The following ADCY5 variants were observed in gnomAD, a reference collection of about 807,000 sequenced individuals.
The protein encoded by ADCY5 is adenylate cyclase type 5.
Under a neutral mutation model 119.7 loss-of-function variants are expected in ADCY5, and 30 were observed. The ratio of observed to expected loss-of-function variants is 0.25; its 90% CI spans 0.19 to 0.34. The LOEUF is 0.34. ADCY5 is among the 10% of genes least tolerant of loss of function. The pLI is 1.00. For missense variants in ADCY5, 1,324 were observed against 1,775.2 expected (o/e 0.75, Z 4.57); for synonymous variants, 753 against 762.2 (o/e 0.99, Z 0.20).
chr3:123,332,128 A>G (rs1576585468), intron 4 of ADCY5, among the ~76,000 whole-genome samples: 2 of 152,234 alleles, frequency 1.3e-5, no homozygotes, highest in Non-Finnish European at 2.9e-5. Flanking sequence ...GGAATGGCAC[A>G]CAGCCGCCTG....
intron 1 of ADCY5, among the ~76,000 whole-genome samples, chr3:123,388,715 A>G (rs59873306): frequency 0.48 from 72,605 of 152,000 alleles, 18,154 homozygotes; most frequent in East Asian, 0.68. Flanking sequence ...AAAGAAAGAC[A>G]AGAATGGGAG....
intron 17 of ADCY5, among the ~76,000 whole-genome samples, chr3:123,294,817 C>T (rs1465856801): frequency 1.3e-5 from 2 of 152,100 alleles, no homozygotes; most frequent in Admixed American, 6.5e-5. Flanking sequence ...GCAAGGTAGA[C>T]ATGGGAGTAT....
At chr3:123,300,455 C>A (rs1395228793) in intron 14 of ADCY5, among the ~76,000 whole-genome samples, 160 bp from the exon 15 acceptor site, 1 of 152,216 alleles carries the variant, frequency 6.6e-6, no homozygotes, top group Non-Finnish European at 1.5e-5. Context: ...AGTGAAGGGC[C>A]CTGGTTAGGA....
rs1944611354 is a variant in ADCY5 at position 123,396,871 on chromosome 3, G to GT, written c.1135-44291_1135-44290insA. On this transcript the variant is annotated intron_variant, in intron 1 of 20. Transcript: ENST00000462833. ...GAGAACCCATATCCATACCACAGTG[G>GT]ATCACGGGCCCTGCTTTCTGTAGCA... is the stretch of plus-strand genomic sequence containing the variant. 2.2e-5 allele frequency among the ~76,000 whole-genome samples: 3 copies of GT among 138,418 alleles called. No homozygotes were observed. In the Admixed American group the frequency reaches 2.2e-4, roughly 10 times the overall value. The allele number at this position is 138,418 out of a possible 152,430, so 90.8% of individuals were successfully genotyped here. A position where few individuals can be genotyped will look rare whatever the true frequency, so the allele number is the denominator to read the frequency against.
rs1939031657 is a variant in ADCY5, at chr3:123,289,841, G to A, written c.3441C>T (p.His1147=). 1 of 1,614,244 alleles carries A rather than the reference G, an allele frequency of 6.2e-7. No homozygotes were observed. Among genetic ancestry groups the A allele is most frequent in the Non-Finnish European group, 8.5e-7 (1 of 1,180,040 alleles). The part of the protein sequence containing the change: ...DSTYDKVGKT[H]IKALADFAMK... Reference sequence around the variant, plus strand: ...TGGCAAAGTCGGCCAGTGCCTTGATGTGGGTCTTGCCCACCTTGTCGTAGG... The same window carrying A: ...TGGCAAAGTCGGCCAGTGCCTTGATATGGGTCTTGCCCACCTTGTCGTAGG... Residue 1147 remains histidine, a synonymous_variant, in exon 19 of 21, where the codon CAC becomes CAT. Transcript: ENST00000462833.
At chr3:123,418,073 C>A (rs1945224047) in intron 1 of ADCY5, among the ~76,000 whole-genome samples, 1 of 152,184 alleles carries the variant, frequency 6.6e-6, no homozygotes, top group Non-Finnish European at 1.5e-5. Context: ...GTCTAAGTTA[C>A]AGAGCACTCA....
chr3:123,359,693 TC>T (rs1435602114), intron 1 of ADCY5, among the ~76,000 whole-genome samples: 2 of 151,988 alleles, frequency 1.3e-5, no homozygotes, highest in African/African-American at 2.4e-5. Context: ...GAGAACCAGC[TC>T]CCCAAGCTCT....
chr3:123,397,812 G>A (rs1944644724), intron 1 of ADCY5, among the ~76,000 whole-genome samples: 2 of 152,160 alleles, frequency 1.3e-5, no homozygotes. Context: ...GAGGAAAAGG[G>A]GGCTTTTGTA....
intron 7 of ADCY5, among the ~76,000 whole-genome samples, chr3:123,326,412 C>T (rs1462068322): frequency 1.3e-5 from 2 of 152,196 alleles, no homozygotes; most frequent in Non-Finnish European, 2.9e-5. Flanking sequence ...ACACAGCCTG[C>T]TTCAGCTGAC....
At chr3:123,445,230 G>T (rs534090384) in intron 1 of ADCY5, among the ~76,000 whole-genome samples, 1 of 152,204 alleles carries the variant, frequency 6.6e-6, no homozygotes, top group Admixed American at 6.5e-5. Flanking sequence ...GGAGCCAGTG[G>T]GGGTGGGGAG....
intron 1 of ADCY5, among the ~76,000 whole-genome samples, chr3:123,407,849 G>A (rs1041281790): frequency 8.0e-5 from 12 of 150,494 alleles, no homozygotes; most frequent in African/African-American, 2.9e-4. Flanking sequence ...GACATATCCA[G>A]AATAGGTAAA....
intron 1 of ADCY5, among the ~76,000 whole-genome samples, chr3:123,445,193 G>T (rs1404784160): frequency 2.0e-5 from 3 of 152,210 alleles, no homozygotes; most frequent in Admixed American, 6.5e-5. Flanking sequence ...AAAGTCTAAA[G>T]ACCACAGTGG....
chr3:123,308,744 G>A (rs1368359300), intron 12 of ADCY5, among the ~76,000 whole-genome samples: 1 of 152,194 alleles, frequency 6.6e-6, no homozygotes, highest in Admixed American at 6.5e-5. Context: ...TAGGAGAATG[G>A]CGTGAACCCG....
chr3:123,333,289 AC>A (rs1941861299), intron 3 of ADCY5, among the ~76,000 whole-genome samples: 1 of 152,340 alleles, frequency 6.6e-6, no homozygotes, highest in South Asian at 2.1e-4. Context: ...CTGATCCCAG[AC>A]TTCCAGCCTC....
intron 1 of ADCY5, among the ~76,000 whole-genome samples, chr3:123,368,520 C>T (rs1039884218): frequency 2.0e-5 from 3 of 152,180 alleles, no homozygotes; most frequent in Admixed American, 6.5e-5. Context: ...TTGCTTGAAC[C>T]CAGGAGGCTG....
intron 1 of ADCY5, among the ~76,000 whole-genome samples, chr3:123,387,282 C>G (rs6800468): frequency 0.48 from 72,646 of 152,022 alleles, 18,160 homozygotes; most frequent in East Asian, 0.68. Context: ...CTTTTTAATA[C>G]ATTTACCTCC....
intron 1 of ADCY5, among the ~76,000 whole-genome samples, chr3:123,446,033 G>C (rs1276196189): frequency 1.3e-5 from 2 of 152,146 alleles, no homozygotes; most frequent in African/African-American, 2.4e-5. Flanking sequence ...TGGGGCAGAG[G>C]ACGTTAGAAG....
At chr3:123,435,851 TTTATTA>T (rs34160272) in intron 1 of ADCY5, among the ~76,000 whole-genome samples, 6,133 of 125,788 alleles carry the variant, frequency 0.049, 266 homozygotes, top group African/African-American at 0.11. Flanking sequence ...CAAGAGCCCT[TTTATTA>T]TTATTATTAT....
At position 123,328,649 on chromosome 3, in the gene ADCY5, C is replaced by A; in HGVS notation, c.1800G>T (p.Lys600Asn). 6.2e-7 allele frequency: 1 copy of A among 1,614,044 alleles called. No homozygotes were observed. ...TLANHMEAGG[K>N]AGRIHITKAT... ...CACCCACAGCTGTCACTCACCCTGC[C>A]TTGCCGCCAGCCTCCATGTGGTTGG... is the stretch of plus-strand genomic sequence containing the variant. The change falls in exon 6 of 21, where the codon AAG becomes AAT. Residue 600 changes from lysine (K) to asparagine (N), a missense_variant. Transcript: ENST00000462833.
Sources: allele counts gnomAD v4.1 joint callset (sites outside exome capture counted in the v4.1 genomes callset), GRCh38; gene constraint gnomAD v4.1.1; transcripts MANE v1.5; gene names NCBI Gene and HGNC (gene_info 2026-07-23, HGNC 2026-07-21).